PCP4L1: variants seen among roughly 807,000 people sequenced by gnomAD.
PCP4L1 encodes the protein Purkinje cell protein 4 like 1, also known as Purkinje cell protein 4-like protein 1.
A neutral mutation model predicts 9.6 loss-of-function variants in PCP4L1; 9 were observed. The ratio of observed to expected loss-of-function variants is 0.94; its 90% CI spans 0.57 to 1.64. The LOEUF (loss-of-function observed/expected upper bound fraction) is 1.64, where lower values mean the gene tolerates loss of function less well. PCP4L1 is among the 40% of genes most tolerant of loss of function. PCP4L1 has a pLI of 0.00. For synonymous variants in PCP4L1, 31 were observed against 28.2 expected (o/e 1.10, Z -0.31); for missense variants, 81 against 80.8 (o/e 1.00, Z -0.01).
intron 1 of PCP4L1, among the ~76,000 whole-genome samples, chr1:161,283,005 ACTC>A (rs2102244066): frequency 6.6e-6 from 1 of 152,132 alleles, no homozygotes; most frequent in South Asian, 2.1e-4. Context: ...GTCTCCAGCA[ACTC>A]CTCATCTCAC....
chr1:161,260,690 C>T (rs2501864), intron 1 of PCP4L1, among the ~76,000 whole-genome samples: 120,816 of 152,068 alleles, frequency 0.79, 48,464 homozygotes, highest in East Asian at 0.94. Flanking sequence ...GGAAACAATT[C>T]GGTGTTTGAG....
At chr1:161,283,835 G>C in intron 2 of PCP4L1, 113 bp downstream of exon 2, 4 of 1,101,186 alleles carry the variant, frequency 3.6e-6, no homozygotes, top group Non-Finnish European at 4.0e-6. Flanking sequence ...TAAGAATGTG[G>C]ATAAGTGAAA....
intron 1 of PCP4L1, among the ~76,000 whole-genome samples, chr1:161,265,199 C>T (rs1444335703): frequency 2.6e-5 from 4 of 152,056 alleles, no homozygotes; most frequent in South Asian, 4.1e-4. Flanking sequence ...TTCGTTTGGC[C>T]GTTTGACTTC....
chr1:161,277,902 C>T (rs1442120080), intron 1 of PCP4L1, among the ~76,000 whole-genome samples: 1 of 152,190 alleles, frequency 6.6e-6, no homozygotes, highest in Non-Finnish European at 1.5e-5. Context: ...CAGAAGAAAA[C>T]TTTTATACAT....
At chr1:161,282,134 C>T (rs1010312640) in intron 1 of PCP4L1, among the ~76,000 whole-genome samples, 5 of 152,134 alleles carry the variant, frequency 3.3e-5, no homozygotes, top group East Asian at 1.9e-4. Flanking sequence ...TCTGCAATCC[C>T]GGCACCTCGG....
chr1:161,265,732 CTTTTTTTTT>C (rs869123262), intron 1 of PCP4L1, among the ~76,000 whole-genome samples: 5 of 76,704 alleles, frequency 6.5e-5, no homozygotes, highest in African/African-American at 1.2e-4. Context: ...TCCAAAACCA[CTTTTTTTTT>C]TTTTTTTTTT....
intron 1 of PCP4L1, among the ~76,000 whole-genome samples, chr1:161,272,940 G>A (rs929857680): frequency 1.7e-4 from 26 of 152,182 alleles, no homozygotes; most frequent in Middle Eastern, 3.4e-3. Context: ...AATGAAAAGG[G>A]TAGGTACTCC....
intron 1 of PCP4L1, among the ~76,000 whole-genome samples, chr1:161,265,732 CTTT>C (rs869123262): frequency 0.014 from 1,060 of 76,748 alleles, 10 homozygotes; most frequent in East Asian, 0.066. Flanking sequence ...TCCAAAACCA[CTTT>C]TTTTTTTTTT....
intron 1 of PCP4L1, among the ~76,000 whole-genome samples, chr1:161,262,453 A>AAAAG (rs1558141213): frequency 1.4e-3 from 211 of 148,626 alleles, no homozygotes; most frequent in African/African-American, 5.2e-3. Flanking sequence ...AAAAAAAAAA[A>AAAAG]AAAGAAATGC....
At chr1:161,283,803 C>T (rs1030439554) in intron 2 of PCP4L1, 81 bp downstream of exon 2, 1 of 1,391,154 alleles carries the variant, frequency 7.2e-7, no homozygotes, top group African/African-American at 1.4e-5. Flanking sequence ...CTGGAATTTC[C>T]TAAAGTCAGA....
intron 1 of PCP4L1, among the ~76,000 whole-genome samples, chr1:161,277,093 A>G (rs994481649): frequency 1.8e-4 from 28 of 152,172 alleles, no homozygotes; most frequent in African/African-American, 6.5e-4. Context: ...TCTCGAACAA[A>G]CAAATAATTA....
intron 1 of PCP4L1, among the ~76,000 whole-genome samples, chr1:161,273,359 C>T (rs1315376033): frequency 2.0e-5 from 3 of 152,126 alleles, no homozygotes; most frequent in African/African-American, 7.2e-5. Context: ...GTGGGTGGCT[C>T]ACACCTGTAA....
At chr1:161,272,308 C>T (rs1669636054) in intron 1 of PCP4L1, among the ~76,000 whole-genome samples, 1 of 151,240 alleles carries the variant, frequency 6.6e-6, no homozygotes, top group Admixed American at 6.6e-5. Flanking sequence ...GCCTGTAATC[C>T]CAGCACTTTG....
chr1:161,279,846 T>G (rs997992511), intron 1 of PCP4L1, among the ~76,000 whole-genome samples: 18 of 152,222 alleles, frequency 1.2e-4, no homozygotes, highest in Non-Finnish European at 2.5e-4. Context: ...ACTATTTTTT[T>G]TTAAAGAGCT....
intron 1 of PCP4L1, among the ~76,000 whole-genome samples, chr1:161,266,027 A>T (rs552163491): frequency 6.6e-6 from 1 of 152,072 alleles, no homozygotes; most frequent in Non-Finnish European, 1.5e-5. Flanking sequence ...GGTGTGAGCC[A>T]CCATGCTGGC....
chr1:161,279,105 C>T (rs1669752944), intron 1 of PCP4L1, among the ~76,000 whole-genome samples: 1 of 152,122 alleles, frequency 6.6e-6, no homozygotes, highest in Non-Finnish European at 1.5e-5. Context: ...TTTTACTCTT[C>T]CTTGAACATA....
At chr1:161,260,885 T>A (rs1669406227) in intron 1 of PCP4L1, among the ~76,000 whole-genome samples, 2 of 152,158 alleles carry the variant, frequency 1.3e-5, no homozygotes, top group Admixed American at 6.6e-5. Flanking sequence ...AGAAGCTGTC[T>A]CCTAATACAG....
intron 1 of PCP4L1, among the ~76,000 whole-genome samples, chr1:161,273,292 A>G (rs1441350666): frequency 6.6e-6 from 1 of 152,204 alleles, no homozygotes; most frequent in African/African-American, 2.4e-5. Context: ...ACAGTTGCTA[A>G]TTAGTGTTTG....
In PCP4L1 at chr1:161,283,682, A is replaced by T. The variant is rs762401431; in HGVS notation, c.24A>T (p.Thr8=). ...ATTTTTTCCAGCTTAATACCAAAAC[A>T]TCCCCAGCAACCAACCAGGCAGCTG... MSELNTK[T]SPATNQAAGQ... is the part of the protein sequence containing the mutation. Residue 8 remains threonine, a synonymous_variant, in exon 2 of 3, where the codon ACA becomes ACT. Transcript: ENST00000504449. The T allele has an allele frequency of 6.2e-7, 1 of 1,603,398 alleles. No individual in the cohort carries two copies. The highest frequency in any genetic ancestry group is 8.5e-7 in the Non-Finnish European group (1 of 1,174,540).
Sources: allele counts gnomAD v4.1 joint callset (sites outside exome capture counted in the v4.1 genomes callset), GRCh38; gene constraint gnomAD v4.1.1; transcripts MANE v1.5; gene names NCBI Gene and HGNC (gene_info 2026-07-23, HGNC 2026-07-21).